Variants in PIK3C3 observed in about 807,000 individuals in gnomAD.
PIK3C3 encodes PI3-kinase type 3.
PIK3C3 carries 95 observed loss-of-function variants against 126.1 expected under a neutral mutation model. The observed-to-expected ratio is 0.75, with a 90% CI of 0.64 to 0.89. The LOEUF is 0.89. Among genes scored for constraint, PIK3C3 ranks in the 40% least tolerant of loss-of-function variants. The pLI is 0.00. For synonymous variants in PIK3C3, 374 were observed against 360.0 expected, an observed-to-expected ratio of 1.04 and a Z score of -0.44; for missense variants, 829 against 1,063.2, an observed-to-expected ratio of 0.78 and a Z score of 3.06.
chr18:42,036,457 A>G (rs1438362688), intron 16 of PIK3C3, among the ~76,000 whole-genome samples: 1 of 146,330 alleles, frequency 6.8e-6, no homozygotes, highest in African/African-American at 2.5e-5. Flanking sequence ...TTTTCTTTGG[A>G]TTAATATATT....
At chr18:42,071,953 T>A (rs1568011465) in intron 24 of PIK3C3, among the ~76,000 whole-genome samples, 1 of 152,186 alleles carries the variant, frequency 6.6e-6, no homozygotes. Flanking sequence ...GAAGCATACA[T>A]GGGATGCTAA....
In PIK3C3 at chr18:42,081,921, A is replaced by G. The variant is rs1007436497; in HGVS notation, c.*784A>G. ...AGACAATGTAAATTGTCTTTCTGCA[A>G]TAAATTTTTTGGATGCAAATTTAGA... On this transcript the variant is annotated 3_prime_UTR_variant, in exon 25 of 25. Transcript: ENST00000262039. 14 of 152,194 alleles carry G rather than the reference A, an allele frequency of 9.2e-5. No homozygotes were observed. Among genetic ancestry groups the G allele is most frequent in the African/African-American group, 3.1e-4 (13 of 41,464 alleles). The allele number at this position is 152,194 out of a possible 1,614,324, so 9.4% of individuals were successfully genotyped here.
intron 2 of PIK3C3, among the ~76,000 whole-genome samples, chr18:41,958,769 A>AT (rs1555670536): frequency 1.3e-5 from 2 of 151,688 alleles, no homozygotes; most frequent in Non-Finnish European, 2.9e-5. Flanking sequence ...ACACATAAAA[A>AT]ATATATATAT....
chr18:41,959,832 A>T (rs1013352359), intron 2 of PIK3C3, among the ~76,000 whole-genome samples: 1 of 152,114 alleles, frequency 6.6e-6, no homozygotes, highest in Non-Finnish European at 1.5e-5. Flanking sequence ...AAGAGAAAAC[A>T]TTTGCACATT....
chr18:41,967,447 C>T (rs779776535), intron 3 of PIK3C3, among the ~76,000 whole-genome samples: 5 of 152,158 alleles, frequency 3.3e-5, no homozygotes, highest in African/African-American at 7.2e-5. Context: ...AACCATCCCT[C>T]GCCTTTTCCC....
intron 20 of PIK3C3, among the ~76,000 whole-genome samples, chr18:42,044,351 C>T (rs887806574): frequency 1.3e-5 from 2 of 151,540 alleles, no homozygotes; most frequent in Non-Finnish European, 2.9e-5. Context: ...TCTAACTTCA[C>T]GAAGGTTATA....
At chr18:42,047,156 GTAAA>G (rs1237321223) in intron 20 of PIK3C3, among the ~76,000 whole-genome samples, 4 of 152,122 alleles carry the variant, frequency 2.6e-5, no homozygotes, top group Admixed American at 1.3e-4. Context: ...TTGAAACAAA[GTAAA>G]TAGTGACAAA....
intron 12 of PIK3C3, among the ~76,000 whole-genome samples, chr18:42,019,090 G>A (rs9949409): frequency 0.078 from 11,813 of 152,040 alleles, 886 homozygotes; most frequent in East Asian, 0.26. Flanking sequence ...AAACCACTAG[G>A]TAAGAATGGT....
intron 9 of PIK3C3, among the ~76,000 whole-genome samples, chr18:42,002,808 C>A (rs527249311): frequency 3.3e-5 from 5 of 152,120 alleles, no homozygotes; most frequent in Non-Finnish European, 7.3e-5. Flanking sequence ...AGGCTCTGTC[C>A]AACTCCAGAT....
intron 4 of PIK3C3, among the ~76,000 whole-genome samples, chr18:41,973,452 ATTAAG>A (rs1179687921): frequency 6.6e-6 from 1 of 152,038 alleles, no homozygotes; most frequent in Admixed American, 6.6e-5. Flanking sequence ...TAATTAATTA[ATTAAG>A]TTAGTTAATT....
chr18:42,013,975 T>C (rs1486783464), intron 11 of PIK3C3, among the ~76,000 whole-genome samples: 1 of 152,144 alleles, frequency 6.6e-6, no homozygotes, highest in African/African-American at 2.4e-5. Flanking sequence ...TACATAGTGC[T>C]TAGTAAGTCT....
intron 17 of PIK3C3, among the ~76,000 whole-genome samples, chr18:42,038,049 C>A (rs1984136296): frequency 6.6e-6 from 1 of 151,844 alleles, no homozygotes; most frequent in African/African-American, 2.4e-5. Flanking sequence ...AATTTTTTTT[C>A]CAAATTAAGT....
chr18:42,016,610 GT>G (rs1983085644), intron 12 of PIK3C3, among the ~76,000 whole-genome samples: 1 of 152,176 alleles, frequency 6.6e-6, no homozygotes, highest in Non-Finnish European at 1.5e-5. Context: ...AGTGAAGCAG[GT>G]GAGAGAACAA....
intron 24 of PIK3C3, among the ~76,000 whole-genome samples, chr18:42,069,898 G>T (rs1342662701): frequency 6.6e-6 from 1 of 152,198 alleles, no homozygotes. Context: ...AAGCAATAAT[G>T]ATTTGTTATT....
At chr18:42,011,552 G>T (rs1982827739) in intron 10 of PIK3C3, among the ~76,000 whole-genome samples, 1 of 152,144 alleles carries the variant, frequency 6.6e-6, no homozygotes, top group African/African-American at 2.4e-5. Flanking sequence ...GAATGTTGTG[G>T]CTAGTTTGAT....
chr18:41,957,248 G>T (rs1979826501), intron 1 of PIK3C3, among the ~76,000 whole-genome samples: 1 of 152,188 alleles, frequency 6.6e-6, no homozygotes, highest in Non-Finnish European at 1.5e-5. Context: ...TAGAAAGCTG[G>T]TGACTTCCAG....
At chr18:42,061,355 G>C (rs113374998) in intron 22 of PIK3C3, among the ~76,000 whole-genome samples, 15 of 152,264 alleles carry the variant, frequency 9.9e-5, no homozygotes, top group African/African-American at 3.6e-4. Context: ...GGTCGAGGCA[G>C]GTAGATAACT....
At chr18:42,006,652 TA>T (rs1982559705) in intron 10 of PIK3C3, among the ~76,000 whole-genome samples, 1 of 152,162 alleles carries the variant, frequency 6.6e-6, no homozygotes, top group South Asian at 2.1e-4. Flanking sequence ...TTGTCCTTTT[TA>T]TTTTAGCATG....
At chr18:41,978,401 C>T (rs1981037485) in intron 4 of PIK3C3, among the ~76,000 whole-genome samples, 1 of 152,166 alleles carries the variant, frequency 6.6e-6, no homozygotes, top group Non-Finnish European at 1.5e-5. Flanking sequence ...AGGGATATGT[C>T]AGTTCTCACA....
Sources: allele counts gnomAD v4.1 joint callset (sites outside exome capture counted in the v4.1 genomes callset), GRCh38; gene constraint gnomAD v4.1.1; transcripts MANE v1.5; gene names NCBI Gene and HGNC (gene_info 2026-07-23, HGNC 2026-07-21).